The following CEMIP variants were observed in gnomAD, a reference collection of about 807,000 sequenced individuals.
The protein encoded by CEMIP is cell migration-inducing and hyaluronan-binding protein.
CEMIP carries 105 observed loss-of-function variants against 156.9 expected under a neutral mutation model. The observed-to-expected ratio is 0.67, with a 90% CI of 0.57 to 0.79. CEMIP has a LOEUF of 0.79. Among genes scored for constraint, CEMIP ranks in the 30% least tolerant of loss-of-function variants. The pLI is 0.00. For synonymous variants in CEMIP, 676 were observed against 668.4 expected (o/e 1.01, Z -0.17); for missense variants, 1,457 against 1,769.4 (o/e 0.82, Z 3.17).
chr15:80,911,438 A>G (rs79187166), intron 14 of CEMIP, among the ~76,000 whole-genome samples: 3,290 of 152,326 alleles, frequency 0.022, 101 homozygotes, highest in African/African-American at 0.074. Flanking sequence ...ACTTTACTAA[A>G]GAGAAAGATA....
At chr15:80,927,961 T>A (rs1900757614) in intron 19 of CEMIP, among the ~76,000 whole-genome samples, 1 of 151,896 alleles carries the variant, frequency 6.6e-6, no homozygotes, top group South Asian at 2.1e-4. Context: ...AAAAGTACAT[T>A]GGGAATTAGA....
At chr15:80,860,346 T>C (rs1897955393) in intron 1 of CEMIP, among the ~76,000 whole-genome samples, 1 of 152,194 alleles carries the variant, frequency 6.6e-6, no homozygotes, top group African/African-American at 2.4e-5. Context: ...CCAGCCTTCT[T>C]GGACCCTATC....
chr15:80,864,769 GT>G (rs1270918494), intron 1 of CEMIP, among the ~76,000 whole-genome samples: 1 of 152,190 alleles, frequency 6.6e-6, no homozygotes, highest in Non-Finnish European at 1.5e-5. Flanking sequence ...ACAAGTGTCT[GT>G]TTGAGATTTA....
chr15:80,831,062 T>G (rs1897145651), intron 1 of CEMIP, among the ~76,000 whole-genome samples: 1 of 152,200 alleles, frequency 6.6e-6, no homozygotes, highest in Non-Finnish European at 1.5e-5. Context: ...GATTATGTAC[T>G]GTTAGTTTTG....
rs551992548 is a variant in CEMIP, at chr15:80,811,748, G to A, written c.-176+32134G>A. ...GTTTTCTATGTCTTCGTAGAGATGG[G>A]GTTTCACCATGTTGCCCAGGCTGGT... On this transcript the variant is annotated intron_variant, in intron 1 of 29. Transcript: ENST00000394685. Among the ~76,000 whole-genome samples, 16 of 152,170 alleles carry A rather than the reference G, an allele frequency of 1.1e-4. 1 individual carries two copies. The South Asian group carries it at 3.3e-3, about 32-fold the overall frequency.
chr15:80,820,399 TA>T (rs1178961692), intron 1 of CEMIP, among the ~76,000 whole-genome samples: 1 of 152,224 alleles, frequency 6.6e-6, no homozygotes, highest in Non-Finnish European at 1.5e-5. Context: ...TTTATATTCA[TA>T]GATGCGTATG....
chr15:80,840,699 C>G (rs1055124655), intron 1 of CEMIP, among the ~76,000 whole-genome samples: 3 of 152,196 alleles, frequency 2.0e-5, no homozygotes, highest in African/African-American at 7.2e-5. Flanking sequence ...CTGCAGCGCC[C>G]GAGTGTTTGC....
At chr15:80,884,110 G>C in intron 6 of CEMIP, 65 bp from the exon 7 acceptor site, 2 of 1,516,090 alleles carry the variant, frequency 1.3e-6, no homozygotes, top group Non-Finnish European at 1.8e-6. Flanking sequence ...ACAGGCATGT[G>C]CTTAGAGCTC....
intron 1 of CEMIP, among the ~76,000 whole-genome samples, chr15:80,811,113 T>C (rs1896662533): frequency 6.6e-6 from 1 of 152,166 alleles, no homozygotes; most frequent in Admixed American, 6.5e-5. Flanking sequence ...ACTTACAGTC[T>C]AGTGGAGAAA....
intron 1 of CEMIP, among the ~76,000 whole-genome samples, chr15:80,812,611 T>G (rs1896696832): frequency 6.6e-6 from 1 of 152,222 alleles, no homozygotes; most frequent in South Asian, 2.1e-4. Flanking sequence ...GTTACTGCAG[T>G]GATTCCCAGG....
At chr15:80,844,667 C>T (rs1292840587) in intron 1 of CEMIP, among the ~76,000 whole-genome samples, 3 of 152,262 alleles carry the variant, frequency 2.0e-5, no homozygotes, top group East Asian at 1.9e-4. Context: ...TTCCTACTTC[C>T]TGTGTCCCCA....
intron 16 of CEMIP, 73 bp from the exon 17 acceptor site, chr15:80,921,936 C>A: frequency 6.2e-7 from 1 of 1,604,566 alleles, no homozygotes; most frequent in Non-Finnish European, 8.5e-7. Flanking sequence ...CGGCGTGGGC[C>A]GCGTGGCCAC....
chr15:80,810,188 G>C (rs1896625055), intron 1 of CEMIP, among the ~76,000 whole-genome samples: 2 of 152,116 alleles, frequency 1.3e-5, no homozygotes, highest in South Asian at 4.1e-4. Context: ...GCAATATCGT[G>C]ACATTATTGA....
chr15:80,860,118 A>G (rs8034921), intron 1 of CEMIP, among the ~76,000 whole-genome samples: 11,215 of 152,254 alleles, frequency 0.074, 1,386 homozygotes, highest in African/African-American at 0.25. Flanking sequence ...AGGCCTCTGG[A>G]TGAGTCTCTC....
Position 80,948,970 on chromosome 15 carries a change from ACT to A in CEMIP, c.*49_*50del. Reference sequence around the variant, plus strand: ...CACCTCGTGGTAGACTATGACGGTGACTCTTGGCAGCAGACCAGTGGGGGATG... The same window carrying A: ...CACCTCGTGGTAGACTATGACGGTGACTTGGCAGCAGACCAGTGGGGGATG... On this transcript the variant is annotated 3_prime_UTR_variant, in exon 30 of 30. Transcript: ENST00000394685. 6.2e-7 allele frequency: 1 copy of A among 1,612,652 alleles called. No homozygotes were observed. The highest frequency in any genetic ancestry group is 8.5e-7 in the Non-Finnish European group (1 of 1,179,168).
At position 80,926,658 on chromosome 15, in the gene CEMIP, G is replaced by A. The variant is rs561985687; in HGVS notation, c.2420+903G>A. On this transcript the variant is annotated intron_variant, in intron 19 of 29. Coordinates refer to ENST00000394685, the MANE Select transcript of CEMIP (RefSeq NM_001293298.2). Reference sequence around the variant, plus strand: ...CTTAGCATTGGAGCCCCAGGAAGATGCTTGAGAGACAGAGAAGGGGAGGTG... The same window carrying A: ...CTTAGCATTGGAGCCCCAGGAAGATACTTGAGAGACAGAGAAGGGGAGGTG... 1.8e-3 allele frequency among the ~76,000 whole-genome samples: 269 copies of A among 152,202 alleles called. 1 individual carries two copies. The highest frequency in any genetic ancestry group is 2.9e-3 in the Admixed American group (45 of 15,290).
chr15:80,847,901 G>T (rs1213332444), intron 1 of CEMIP, among the ~76,000 whole-genome samples: 2 of 152,154 alleles, frequency 1.3e-5, no homozygotes, highest in South Asian at 4.1e-4. Context: ...GGAGATGCTC[G>T]ACTCTTCCTG....
chr15:80,913,842 G>A lies in CEMIP; in HGVS notation c.1797+4536G>A, dbSNP rs547251127. 2.0e-4 allele frequency among the ~76,000 whole-genome samples: 31 copies of A among 152,320 alleles called. 1 individual carries two copies. The highest frequency in any genetic ancestry group is 8.3e-4 in the South Asian group (4 of 4,818). ...TTCTTTCCCTGTTTTGGAAATTCAC[G>A]ATGCGTGCTAGCAGAGTAAAGGCTT... On this transcript the variant is annotated intron_variant, in intron 14 of 29. Transcript: ENST00000394685.
At chr15:80,861,158 G>C (rs55875608) in intron 1 of CEMIP, among the ~76,000 whole-genome samples, 1 of 152,068 alleles carries the variant, frequency 6.6e-6, no homozygotes, top group African/African-American at 2.4e-5. Flanking sequence ...TCAATGCCTA[G>C]AACCATCGTG....
Sources: gnomAD v4.1 joint callset for allele counts (sites outside exome capture counted in the v4.1 genomes callset) on GRCh38, gnomAD v4.1.1 for gene constraint, MANE v1.5 for transcripts, NCBI Gene and HGNC (gene_info 2026-07-23, HGNC 2026-07-21) for gene names.